The following HYDIN variants were observed in gnomAD, a reference collection of about 807,000 sequenced individuals.
The protein encoded by HYDIN is HYDIN axonemal central pair apparatus protein.
In HYDIN, 132 loss-of-function variants were observed where a neutral mutation model predicts 403.9. That is an observed-to-expected ratio of 0.33 (90% CI 0.28 to 0.38). The LOEUF (loss-of-function observed/expected upper bound fraction) is 0.38, where lower values mean the gene tolerates loss of function less well. HYDIN is among the 10% of genes least tolerant of loss of function. The pLI, the probability that HYDIN is intolerant of heterozygous loss-of-function variation, is 1.00. For missense variants in HYDIN, 2,827 were observed against 5,009.5 expected (o/e 0.56, Z 13.15); for synonymous variants, 1,202 against 1,891.7 (o/e 0.64, Z 9.46).
chr16:70,837,232 A>G (rs547126272), intron 77 of HYDIN, among the ~76,000 whole-genome samples: 14 of 152,264 alleles, frequency 9.2e-5, no homozygotes, highest in African/African-American at 3.4e-4. Context: ...TGGCTGGAGA[A>G]TGCTAATCAA....
chr16:71,012,596 C>T (rs557808730), intron 23 of HYDIN, among the ~76,000 whole-genome samples: 47 of 152,250 alleles, frequency 3.1e-4, no homozygotes, highest in African/African-American at 6.3e-4. Context: ...GCACACGCAC[C>T]GCAGATGTAC....
intron 5 of HYDIN, among the ~76,000 whole-genome samples, chr16:71,172,145 T>A (rs1012630581): frequency 6.6e-6 from 1 of 152,258 alleles, no homozygotes; most frequent in Non-Finnish European, 1.5e-5. Flanking sequence ...CTTTTTGGGC[T>A]ATGGTTTTTA....
chr16:70,807,668 G>T lies in HYDIN; in HGVS notation c.15278C>A (p.Thr5093Asn). ...AGGGCAGCTCACAGTCAGCTTGGTGGTGATGGGGGTTTTGCTGCCAGATGG... is the reference window on the plus strand; with the variant it reads ...AGGGCAGCTCACAGTCAGCTTGGTGTTGATGGGGGTTTTGCTGCCAGATGG... The part of the protein sequence containing the change: ...GNPSGSKTPI[T>N]TKLTVSCPPG... The change falls in exon 86 of 86, where the codon ACC becomes AAC. Residue 5093 changes from threonine (T) to asparagine (N), a missense_variant. Physicochemically the swap from Thr to Asn is moderately conservative, Grantham distance 65. Coordinates refer to ENST00000393567, the MANE Select transcript of HYDIN (RefSeq NM_001270974.2). 1 of 1,614,132 alleles carries T rather than the reference G, an allele frequency of 6.2e-7. No individual in the cohort carries two copies. The highest frequency in any genetic ancestry group is 8.5e-7 in the Non-Finnish European group (1 of 1,180,020).
intron 13 of HYDIN, among the ~76,000 whole-genome samples, chr16:71,078,436 T>C (rs1049134653): frequency 1.4e-4 from 21 of 152,148 alleles, no homozygotes; most frequent in African/African-American, 4.8e-4. Context: ...TTATCTGTTT[T>C]TACTGCCTTA....
At chr16:70,848,806 C>T (rs1393198255) in intron 75 of HYDIN, among the ~76,000 whole-genome samples, 1 of 113,402 alleles carries the variant, frequency 8.8e-6, no homozygotes, top group East Asian at 2.4e-4. Context: ...TGGAGGTATA[C>T]ACATCTTACA....
chr16:70,921,140 A>C lies in HYDIN; in HGVS notation c.7236T>G (p.Ser2412=), dbSNP rs775950648. 2 of 1,531,862 alleles carry C rather than the reference A, an allele frequency of 1.3e-6. No individual in the cohort carries two copies. The highest frequency in any genetic ancestry group is 2.2e-5 in the East Asian group (1 of 44,524). The allele number at this position is 1,531,862 out of a possible 1,614,324, so 94.9% of individuals were successfully genotyped here. The change falls in exon 46 of 86, where the codon TCT becomes TCG. Residue 2412 remains serine (S), a synonymous_variant. Coordinates refer to ENST00000393567, the MANE Select transcript of HYDIN (RefSeq NM_001270974.2). ...RKISVREQTM[S]EKEELNKKKR... ...TCTTCTTATTTAGCTCTTCCTTCTC[A>C]GACATTGTTTGTTCCCTAACAGATA...
chr16:71,084,541 C>T (rs1199905623), intron 12 of HYDIN, among the ~76,000 whole-genome samples: 2 of 151,122 alleles, frequency 1.3e-5, no homozygotes, highest in Non-Finnish European at 2.9e-5. Context: ...CATGCATCAC[C>T]ATGCCCAGTT....
intron 18 of HYDIN, among the ~76,000 whole-genome samples, chr16:71,037,286 G>C (rs1347436380): frequency 9.1e-5 from 13 of 143,540 alleles, no homozygotes; most frequent in Non-Finnish European, 1.5e-5. Flanking sequence ...CCCCAAATCT[G>C]AAATGCCCCA....
Position 71,184,903 on chromosome 16 carries a change from T to C in HYDIN, c.223A>G (p.Ile75Val), listed in dbSNP as rs933205022. ...KTRLMCRPQI[I>V]ELLDMGETTH... ...GTTTCCCCCATATCTAAGAGTTCGA[T>C]GATCTGTGGTCGGCACATCAAACGT... The change falls in exon 3 of 86, where the codon ATC (isoleucine) becomes GTC (valine). Residue 75 changes from isoleucine to valine, a missense_variant. Coordinates refer to ENST00000393567, the MANE Select transcript of HYDIN (RefSeq NM_001270974.2). 1 of 1,610,170 alleles carries C rather than the reference T, an allele frequency of 6.2e-7. No individual in the cohort carries two copies. The highest frequency in any genetic ancestry group is 1.3e-5 in the African/African-American group (1 of 74,906).
intron 5 of HYDIN, among the ~76,000 whole-genome samples, chr16:71,169,376 T>A (rs2086371434): frequency 6.6e-6 from 1 of 152,086 alleles, no homozygotes; most frequent in African/African-American, 2.4e-5. Flanking sequence ...GAGGCTGCAG[T>A]GAGCTGAGAT....
At chr16:70,981,118 G>A (rs1315210865) in intron 29 of HYDIN, among the ~76,000 whole-genome samples, 1 of 151,950 alleles carries the variant, frequency 6.6e-6, no homozygotes, top group African/African-American at 2.4e-5. Context: ...AAGTGCATGG[G>A]GGAGGAAAAG....
At position 70,807,798 on chromosome 16, in the gene HYDIN, C is replaced by T. The variant is rs372157226; in HGVS notation, c.15148G>A (p.Val5050Met). ...IPFKNVFYHM[V>M]TFSIIVDNPA... ...TTATCCACGATGATGGAGAAGGTCA[C>T]CATGTGATAGAAGACATTCTTGAAG... The change falls in exon 86 of 86, where the codon GTG (valine) becomes ATG (methionine). Residue 5050 changes from valine (V) to methionine (M), a missense_variant. Transcript: ENST00000393567. 6.2e-7 allele frequency: 1 copy of T among 1,614,010 alleles called. No homozygotes were observed. The highest frequency in any genetic ancestry group is 8.5e-7 in the Non-Finnish European group (1 of 1,180,042).
intron 3 of HYDIN, among the ~76,000 whole-genome samples, chr16:71,180,891 A>G (rs1480729122): frequency 1.3e-5 from 2 of 152,124 alleles, no homozygotes; most frequent in Non-Finnish European, 2.9e-5. Context: ...CAAGGTCAAC[A>G]TATCAAAACC....
chr16:70,840,632 C>A (rs1266344784), intron 75 of HYDIN, among the ~76,000 whole-genome samples: 2 of 152,188 alleles, frequency 1.3e-5, no homozygotes, highest in Non-Finnish European at 2.9e-5. Context: ...TAGTTCCAGT[C>A]ATTGAGATGT....
chr16:71,200,545 G>A (rs889636544), intron 1 of HYDIN, among the ~76,000 whole-genome samples: 11 of 152,174 alleles, frequency 7.2e-5, no homozygotes, highest in Admixed American at 2.0e-4. Flanking sequence ...ATCAGGCTGA[G>A]ATACAATTCC....
chr16:70,881,551 T>A (rs1477440867), intron 60 of HYDIN, among the ~76,000 whole-genome samples: 1 of 142,932 alleles, frequency 7.0e-6, no homozygotes, highest in Non-Finnish European at 1.5e-5. Flanking sequence ...GAGCTTGCAG[T>A]GAGCTGAGAT....
chr16:70,819,393 A>G (rs1463915962), intron 83 of HYDIN, among the ~76,000 whole-genome samples: 1 of 152,014 alleles, frequency 6.6e-6, no homozygotes, highest in African/African-American at 2.4e-5. Flanking sequence ...ATTTAATTTA[A>G]TTTAATTTAA....
intron 7 of HYDIN, among the ~76,000 whole-genome samples, chr16:71,141,214 A>C (rs541323449): frequency 6.6e-6 from 1 of 150,832 alleles, no homozygotes. Flanking sequence ...TAAAGGCAGT[A>C]TCTCAAATCA....
chr16:70,926,970 A>G (rs987181566), intron 45 of HYDIN, among the ~76,000 whole-genome samples: 18 of 152,340 alleles, frequency 1.2e-4, no homozygotes, highest in Non-Finnish European at 2.2e-4. Flanking sequence ...TAGAACATAG[A>G]AAAAGCACAA....
Sources: gnomAD v4.1 joint callset for allele counts (sites outside exome capture counted in the v4.1 genomes callset) on GRCh38, gnomAD v4.1.1 for gene constraint, MANE v1.5 for transcripts, NCBI Gene and HGNC (gene_info 2026-07-23, HGNC 2026-07-21) for gene names.